CENPW: variants seen among roughly 807,000 people sequenced by gnomAD.
The protein encoded by CENPW is cancer-up-regulated gene 2 protein.
A neutral mutation model predicts 11.1 loss-of-function variants in CENPW; 3 were observed. The observed-to-expected ratio is 0.27, with a 90% CI of 0.12 to 0.70. The LOEUF is 0.70. CENPW is among the 30% of genes least tolerant of loss of function. The probability of loss-of-function intolerance (pLI) is 0.77; values close to 1 mark genes in which losing one functional copy is unlikely to be tolerated. For synonymous variants in CENPW, 38 were observed against 42.0 expected (o/e 0.91, Z 0.37); for missense variants, 100 against 105.6 (o/e 0.95, Z 0.23).
the CENPW span, among the ~76,000 whole-genome samples, chr6:126,454,919 C>A: frequency 6.1e-4 from 93 of 151,250 alleles, no homozygotes; most frequent in African/African-American, 1.3e-3. Context: ...ATAAAAAAAA[C>A]CCCTCAAAAG....
the CENPW span, among the ~76,000 whole-genome samples, chr6:126,447,038 G>C: frequency 6.6e-6 from 1 of 151,108 alleles, no homozygotes; most frequent in Non-Finnish European, 1.5e-5. Flanking sequence ...ATTTGTAACA[G>C]CTGAGGCCTA....
chr6:126,450,630 G>A, the CENPW span, among the ~76,000 whole-genome samples: 2 of 150,588 alleles, frequency 1.3e-5, no homozygotes, highest in Non-Finnish European at 3.0e-5. Flanking sequence ...CTGAAAATGA[G>A]AAGCAACTCA....
the CENPW span, among the ~76,000 whole-genome samples, chr6:126,480,982 A>G: frequency 2.0e-5 from 3 of 152,076 alleles, no homozygotes; most frequent in African/African-American, 7.2e-5. Flanking sequence ...CAACTACCAC[A>G]CATAGCTTTG....
At chr6:126,408,839 T>A in the CENPW span, among the ~76,000 whole-genome samples, 1 of 152,104 alleles carries the variant, frequency 6.6e-6, no homozygotes, top group Non-Finnish European at 1.5e-5. Context: ...GTTTCTAATT[T>A]ATTTGTGTGA....
At chr6:126,411,148 C>T in the CENPW span, among the ~76,000 whole-genome samples, 1 of 152,136 alleles carries the variant, frequency 6.6e-6, no homozygotes, top group African/African-American at 2.4e-5. Flanking sequence ...GAAAGACTTT[C>T]ACTTGCAGTT....
chr6:126,347,829 G>T (rs1252721536), intron 2 of CENPW, among the ~76,000 whole-genome samples: 1 of 151,756 alleles, frequency 6.6e-6, no homozygotes, highest in East Asian at 1.9e-4. Context: ...TTTAAAAAAA[G>T]AGATATTCTG....
chr6:126,450,643 GA>G, the CENPW span, among the ~76,000 whole-genome samples: 1 of 150,948 alleles, frequency 6.6e-6, no homozygotes, highest in Admixed American at 6.6e-5. Context: ...GCAACTCATG[GA>G]AAGGCATGCT....
the CENPW span, among the ~76,000 whole-genome samples, chr6:126,400,524 G>A: frequency 6.6e-6 from 1 of 151,708 alleles, no homozygotes; most frequent in Non-Finnish European, 1.5e-5. Flanking sequence ...TCACATTTTT[G>A]GTATTTATCC....
chr6:126,453,521 C>T, the CENPW span, among the ~76,000 whole-genome samples: 1 of 151,158 alleles, frequency 6.6e-6, no homozygotes, highest in East Asian at 1.9e-4. Context: ...GAATTTTCTA[C>T]CACTATACCT....
the CENPW span, among the ~76,000 whole-genome samples, chr6:126,458,299 T>G: frequency 6.6e-6 from 1 of 151,362 alleles, no homozygotes; most frequent in Non-Finnish European, 1.5e-5. Flanking sequence ...AAGGGGATCT[T>G]ACTGCTTTTA....
chr6:126,341,467 A>G (rs1780309043), intron 1 of CENPW, among the ~76,000 whole-genome samples: 1 of 152,118 alleles, frequency 6.6e-6, no homozygotes. Flanking sequence ...TTTCTAAACT[A>G]CTATAGAATT....
chr6:126,462,797 T>C, the CENPW span, among the ~76,000 whole-genome samples: 22 of 152,024 alleles, frequency 1.4e-4, no homozygotes, highest in Non-Finnish European at 2.8e-4. Flanking sequence ...AGCTCAGCTA[T>C]GTGGCAGACT....
the CENPW span, among the ~76,000 whole-genome samples, chr6:126,365,814 C>G: frequency 2.4e-4 from 37 of 152,256 alleles, no homozygotes; most frequent in African/African-American, 8.9e-4. Context: ...TTAACTCTGA[C>G]CCACAAAGAA....
chr6:126,388,802 C>T, the CENPW span, among the ~76,000 whole-genome samples: 1 of 151,744 alleles, frequency 6.6e-6, no homozygotes, highest in Non-Finnish European at 1.5e-5. Flanking sequence ...ATTGTGATTG[C>T]CTATTTACTT....
the CENPW span, among the ~76,000 whole-genome samples, chr6:126,375,167 G>T: frequency 6.6e-6 from 1 of 152,198 alleles, no homozygotes; most frequent in African/African-American, 2.4e-5. Flanking sequence ...ATGGGAGAGA[G>T]TTTCAACTGA....
At chr6:126,427,276 G>A in the CENPW span, among the ~76,000 whole-genome samples, 894 of 152,202 alleles carry the variant, frequency 5.9e-3, 6 homozygotes, top group Non-Finnish European at 0.01. Context: ...CTATGGTATA[G>A]GTAAGTAAAA....
the CENPW span, among the ~76,000 whole-genome samples, chr6:126,462,215 C>G: frequency 6.6e-6 from 1 of 151,840 alleles, no homozygotes; most frequent in Non-Finnish European, 1.5e-5. Context: ...TATTTGTACA[C>G]AGTAAAATAG....
chr6:126,350,045 T>C (rs1370285311), downstream of CENPW, among the ~76,000 whole-genome samples: 9 of 152,060 alleles, frequency 5.9e-5, no homozygotes, highest in Admixed American at 5.9e-4. Context: ...TTTAATTTTT[T>C]AAAAAGAAAT....
the CENPW span, among the ~76,000 whole-genome samples, chr6:126,471,830 T>G: frequency 1.3e-5 from 2 of 152,206 alleles, no homozygotes; most frequent in Non-Finnish European, 2.9e-5. Flanking sequence ...GTTCTGTTGC[T>G]TGATCTGGGA....
Sources: allele counts gnomAD v4.1 joint callset (sites outside exome capture counted in the v4.1 genomes callset), GRCh38; gene constraint gnomAD v4.1.1; transcripts MANE v1.5; gene names NCBI Gene and HGNC (gene_info 2026-07-23, HGNC 2026-07-21).